Variants in EPS8 observed in about 807,000 individuals in gnomAD.
EPS8 encodes EGFR pathway substrate 8, signaling adaptor, also known as epidermal growth factor receptor kinase substrate 8.
Under a neutral mutation model 103.8 loss-of-function variants are expected in EPS8, and 42 were observed. The ratio of observed to expected loss-of-function variants is 0.40; its 90% CI spans 0.32 to 0.52. The LOEUF (loss-of-function observed/expected upper bound fraction) is 0.52. Among genes scored for constraint, EPS8 ranks in the 20% least tolerant of loss-of-function variants. EPS8 has a pLI of 0.40. For synonymous variants in EPS8, 344 were observed against 344.6 expected (o/e 1.00, Z 0.02); for missense variants, 969 against 1,005.1 (o/e 0.96, Z 0.49).
intron 1 of EPS8, among the ~76,000 whole-genome samples, chr12:15,720,256 T>C (rs1420011046): frequency 6.6e-6 from 1 of 152,190 alleles, no homozygotes; most frequent in African/African-American, 2.4e-5. Flanking sequence ...CTGAGTTTTC[T>C]AAGTAATTCA....
rs1273228285 is a variant in EPS8, at chr12:15,777,509, G to A, written c.-22+11652C>T. ...TACTTAGTACCCAAATAAGGTAAAGGCGATGAAGGCTTCAATCCCTCCTTT... is the reference window on the plus strand; with the variant it reads ...TACTTAGTACCCAAATAAGGTAAAGACGATGAAGGCTTCAATCCCTCCTTT... On this transcript the variant is annotated intron_variant, in intron 1 of 20. Coordinates refer to ENST00000281172, the MANE Select transcript of EPS8 (RefSeq NM_004447.6). This position sits in a 1 kb window ranked among gnomAD's most constrained non-coding sequence, Gnocchi z 4.7. Among the ~76,000 whole-genome samples the A allele has an allele frequency of 1.3e-5, 2 of 152,042 alleles. No homozygotes were observed.
chr12:15,723,691 C>A (rs371502299), intron 1 of EPS8, among the ~76,000 whole-genome samples: 1 of 152,134 alleles, frequency 6.6e-6, no homozygotes, highest in Non-Finnish European at 1.5e-5. Context: ...AAGTTAAAAA[C>A]CACATCTGTT....
At chr12:15,746,505 C>T (rs1946876752) in intron 1 of EPS8, among the ~76,000 whole-genome samples, 1 of 152,214 alleles carries the variant, frequency 6.6e-6, no homozygotes, top group African/African-American at 2.4e-5. Context: ...TTTTAAATAA[C>T]TTCCCCCTTC....
chr12:15,745,853 A>G lies in EPS8; in HGVS notation c.-22+43308T>C, dbSNP rs1304500460. 1.3e-5 allele frequency among the ~76,000 whole-genome samples: 2 copies of G among 152,230 alleles called. No homozygotes were observed. Among genetic ancestry groups the G allele is most frequent in the Non-Finnish European group, 2.9e-5 (2 of 68,026 alleles). ...CAAAGGATGAATGACCAGGGCAAAT[A>G]CGTTGTCCAAATGAAACTAGTTAAC... On this transcript the variant is annotated intron_variant, in intron 1 of 20. Coordinates refer to ENST00000281172, the MANE Select transcript of EPS8 (RefSeq NM_004447.6). The surrounding 1 kb of genome is among the most constrained non-coding windows in gnomAD (Gnocchi z 4.6).
chr12:15,652,061 G>A (rs1022867408), intron 13 of EPS8, among the ~76,000 whole-genome samples: 1 of 152,080 alleles, frequency 6.6e-6, no homozygotes, highest in South Asian at 2.1e-4. Flanking sequence ...GGATGCCACC[G>A]AGGCTTATCA....
rs1357974812 is a variant in EPS8 at position 15,717,991 on chromosome 12, A to G, written c.-21-35019T>C. Among the ~76,000 whole-genome samples the G allele has an allele frequency of 6.6e-6, 1 of 152,230 alleles. No homozygotes were observed. The highest frequency in any genetic ancestry group is 2.4e-5 in the African/African-American group (1 of 41,462). ...TAAAAAGACAGCAAGAAACAAAAAAATTGGTGGAAAAAGTGATTTCTCATT... is the reference window on the plus strand; with the variant it reads ...TAAAAAGACAGCAAGAAACAAAAAAGTTGGTGGAAAAAGTGATTTCTCATT... On this transcript the variant is annotated intron_variant, in intron 1 of 20. Transcript: ENST00000281172. This position sits in a 1 kb window ranked among gnomAD's most constrained non-coding sequence, Gnocchi z 4.3.
At position 15,782,000 on chromosome 12, in the gene EPS8, G is replaced by A. The variant is rs914497783; in HGVS notation, c.-22+7161C>T. The stretch of plus-strand genomic sequence containing the variant: ...CACCTCTCAACACTCTCACATTGAG[G>A]ATGAAATTTCAACATGAGTTTTGGA... On this transcript the variant is annotated intron_variant, in intron 1 of 20. Transcript: ENST00000281172. The surrounding 1 kb of genome is among the most constrained non-coding windows in gnomAD (Gnocchi z 4.1). 1.3e-5 allele frequency: 2 copies of A among 152,138 alleles called. No individual in the cohort carries two copies. Among genetic ancestry groups the A allele is most frequent in the African/African-American group, 4.8e-5 (2 of 41,420 alleles). 9.4% of individuals were successfully genotyped at this position (152,138 alleles called of 1,614,324 possible).
intron 1 of EPS8, among the ~76,000 whole-genome samples, chr12:15,740,853 T>G (rs1591911480): frequency 1.3e-5 from 2 of 152,338 alleles, no homozygotes; most frequent in East Asian, 3.9e-4. Context: ...GGCTAATGCA[T>G]CATGTCCACA....
intron 14 of EPS8, among the ~76,000 whole-genome samples, chr12:15,649,942 C>A (rs990726911): frequency 6.6e-6 from 1 of 152,110 alleles, no homozygotes; most frequent in African/African-American, 2.4e-5. Context: ...TCATCATTTA[C>A]TGTTTCTTCT....
In EPS8 at chr12:15,721,394, A is replaced by G. The variant is rs1946593672; in HGVS notation, c.-21-38422T>C. 6.6e-6 allele frequency among the ~76,000 whole-genome samples: 1 copy of G among 152,180 alleles called. No individual in the cohort carries two copies. Among genetic ancestry groups the G allele is most frequent in the Admixed American group, 6.5e-5 (1 of 15,276 alleles). On this transcript the variant is annotated intron_variant, in intron 1 of 20. Transcript: ENST00000281172. The surrounding 1 kb of genome is among the most constrained non-coding windows in gnomAD (Gnocchi z 4.4). ...TAGCTCATCTCCAAACTGTTTTCCTAGATGTAATGAGGGAAAGAAAGCAAT... is the reference window on the plus strand; with the variant it reads ...TAGCTCATCTCCAAACTGTTTTCCTGGATGTAATGAGGGAAAGAAAGCAAT...
intron 1 of EPS8, among the ~76,000 whole-genome samples, chr12:15,715,388 A>T (rs2417475): frequency 0.94 from 128,934 of 136,492 alleles, 61,324 homozygotes; most frequent in East Asian, 1. Context: ...TTTTTTCTTT[A>T]CTTTTCTTTT....
intron 18 of EPS8, among the ~76,000 whole-genome samples, chr12:15,628,695 A>C (rs1018769888): frequency 1.3e-5 from 2 of 152,230 alleles, no homozygotes; most frequent in African/African-American, 4.8e-5. Context: ...GCTACGTTGT[A>C]AAAACAGGCA....
At chr12:15,742,783 C>T (rs904697281) in intron 1 of EPS8, among the ~76,000 whole-genome samples, 1 of 152,146 alleles carries the variant, frequency 6.6e-6, no homozygotes, top group African/African-American at 2.4e-5. Flanking sequence ...CTATTTATGA[C>T]AAACATACAG....
At chr12:15,783,105 T>C (rs936955112) in intron 1 of EPS8, among the ~76,000 whole-genome samples, 2 of 152,186 alleles carry the variant, frequency 1.3e-5, no homozygotes, top group African/African-American at 4.8e-5. Flanking sequence ...GTACCATAGA[T>C]TGAGGTCTGC....
chr12:15,658,631 A>C (rs1440008714), intron 10 of EPS8, 46 bp from the exon 11 acceptor site: 6 of 1,278,768 alleles, frequency 4.7e-6, no homozygotes, highest in Admixed American at 1.8e-5. Flanking sequence ...AATCCAAGGA[A>C]ATTTATTAAA....
In EPS8 at chr12:15,736,811, C is replaced by T. The variant is rs1239868381; in HGVS notation, c.-22+52350G>A. ...ATACAACCAAGCATATGTCAATACC[C>T]TCCATGGAGACACTATATTACAGCC... On this transcript the variant is annotated intron_variant, in intron 1 of 20. Transcript: ENST00000281172. The surrounding 1 kb of genome is among the most constrained non-coding windows in gnomAD (Gnocchi z 4.2). 6.6e-6 allele frequency among the ~76,000 whole-genome samples: 1 copy of T among 152,034 alleles called. No individual in the cohort carries two copies.
chr12:15,693,245 T>G lies in EPS8; in HGVS notation c.-21-10273A>C, dbSNP rs1321930136. Among the ~76,000 whole-genome samples, 1 of 152,222 alleles carries G rather than the reference T, an allele frequency of 6.6e-6. No individual in the cohort carries two copies. On this transcript the variant is annotated intron_variant, in intron 1 of 20. Coordinates refer to ENST00000281172, the MANE Select transcript of EPS8 (RefSeq NM_004447.6). This position sits in a 1 kb window ranked among gnomAD's most constrained non-coding sequence, Gnocchi z 5.6. ...CATGTTTAGAGAATGTAAAGCTGAC[T>G]GCCAAAACTTTGGCAATAAGTGGAA...
In EPS8 at chr12:15,721,818, T is replaced by C. The variant is rs1946598977; in HGVS notation, c.-21-38846A>G. On this transcript the variant is annotated intron_variant, in intron 1 of 20. Transcript: ENST00000281172. The surrounding 1 kb of genome is among the most constrained non-coding windows in gnomAD (Gnocchi z 4.4). ...TTTTTAAAATTTTTATTATATATTA[T>C]AAATATTATTTCTGATCATAAAAGT... Among the ~76,000 whole-genome samples the C allele has an allele frequency of 6.6e-6, 1 of 151,638 alleles. No homozygotes were observed.
chr12:15,744,374 T>G (rs1946854825), intron 1 of EPS8, among the ~76,000 whole-genome samples: 2 of 152,176 alleles, frequency 1.3e-5, no homozygotes, highest in Admixed American at 6.5e-5. Flanking sequence ...TCAAAGAAAT[T>G]TATTAAATGC....
Sources: allele counts gnomAD v4.1 joint callset (sites outside exome capture counted in the v4.1 genomes callset), GRCh38; gene constraint gnomAD v4.1.1; non-coding constraint Gnocchi (gnomAD v3.1); transcripts MANE v1.5; gene names NCBI Gene and HGNC (gene_info 2026-07-23, HGNC 2026-07-21).